Variants in NCKAP5 observed in about 807,000 individuals in gnomAD.
NCKAP5 encodes nck-associated protein 5.
NCKAP5 carries 92 observed loss-of-function variants against 167.0 expected under a neutral mutation model. That is an observed-to-expected ratio of 0.55 (90% CI 0.47 to 0.66). The LOEUF (loss-of-function observed/expected upper bound fraction) is 0.66. Among genes scored for constraint, NCKAP5 ranks in the 30% least tolerant of loss-of-function variants. The pLI is 0.00. For missense variants in NCKAP5, 2,378 were observed against 2,315.0 expected, an observed-to-expected ratio of 1.03 and a Z score of -0.56; for synonymous variants, 891 against 877.4, an observed-to-expected ratio of 1.02 and a Z score of -0.27.
At chr2:133,541,786 T>A (rs1245281771) in intron 2 of NCKAP5, among the ~76,000 whole-genome samples, 3 of 151,474 alleles carry the variant, frequency 2.0e-5, no homozygotes, top group South Asian at 2.1e-4. Context: ...TTTTTTTTTT[T>A]AAGTGTCAGA....
chr2:133,517,226 T>C (rs911920136), intron 3 of NCKAP5, among the ~76,000 whole-genome samples: 9 of 152,238 alleles, frequency 5.9e-5, no homozygotes, highest in African/African-American at 2.2e-4. Context: ...TGTAATTATA[T>C]ATAATGTTGA....
At chr2:133,375,675 T>C (rs1226392021) in intron 3 of NCKAP5, among the ~76,000 whole-genome samples, 1 of 152,204 alleles carries the variant, frequency 6.6e-6, no homozygotes, top group Non-Finnish European at 1.5e-5. Context: ...CTCCCACTTA[T>C]AAGTGAGAAC....
intron 7 of NCKAP5, among the ~76,000 whole-genome samples, chr2:132,990,074 G>A (rs961948137): frequency 1.5e-4 from 23 of 152,256 alleles, no homozygotes; most frequent in African/African-American, 5.3e-4. Flanking sequence ...GGGAACACAA[G>A]ATGCTCTGAG....
chr2:133,559,753 A>T (rs1397218840), intron 1 of NCKAP5, among the ~76,000 whole-genome samples: 1 of 152,216 alleles, frequency 6.6e-6, no homozygotes, highest in East Asian at 1.9e-4. Context: ...CATGGGTAAG[A>T]GCTGTAGTTA....
At chr2:133,393,941 C>CA (rs1574870367) in intron 3 of NCKAP5, among the ~76,000 whole-genome samples, 3 of 152,270 alleles carry the variant, frequency 2.0e-5, no homozygotes, top group East Asian at 3.9e-4. Flanking sequence ...GAAACCATGA[C>CA]AAAAAATAAT....
intron 6 of NCKAP5, among the ~76,000 whole-genome samples, chr2:133,026,959 A>C (rs931675361): frequency 1.3e-5 from 2 of 152,190 alleles, no homozygotes; most frequent in Non-Finnish European, 2.9e-5. Context: ...TATGTCACCC[A>C]GGATACCCAC....
chr2:132,700,928 GGC>G (rs200555639), intron 19 of NCKAP5, among the ~76,000 whole-genome samples: 5,899 of 96,642 alleles, frequency 0.061, 474 homozygotes, highest in African/African-American at 0.24. Flanking sequence ...CAATCCCCTG[GGC>G]GGGGGGGGGG....
intron 3 of NCKAP5, among the ~76,000 whole-genome samples, chr2:133,473,238 A>G (rs1465758212): frequency 6.6e-6 from 1 of 152,100 alleles, no homozygotes; most frequent in African/African-American, 2.4e-5. Flanking sequence ...AGGCTGAGGT[A>G]GGAGAATCGC....
intron 4 of NCKAP5, among the ~76,000 whole-genome samples, chr2:133,238,209 A>G (rs904773971): frequency 6.6e-6 from 1 of 152,174 alleles, no homozygotes; most frequent in African/African-American, 2.4e-5. Flanking sequence ...CCCTCTACTT[A>G]TAAAACAATA....
At chr2:133,122,630 C>T (rs2082284627) in intron 6 of NCKAP5, 1 of 152,096 alleles carries the variant, frequency 6.6e-6, no homozygotes, top group African/African-American at 2.4e-5. Flanking sequence ...TTTGGCTGTT[C>T]CCAACAGAAA....
chr2:132,698,079 TG>T (rs1338028897), intron 19 of NCKAP5, among the ~76,000 whole-genome samples: 15 of 152,200 alleles, frequency 9.9e-5, no homozygotes, highest in Middle Eastern at 3.2e-3. Flanking sequence ...AGTATGCTAA[TG>T]GGTTATGCAG....
chr2:132,766,818 C>T (rs746101217), intron 16 of NCKAP5, among the ~76,000 whole-genome samples: 1 of 152,232 alleles, frequency 6.6e-6, no homozygotes, highest in Non-Finnish European at 1.5e-5. Context: ...TATTTGCTGA[C>T]TTTCATTTGA....
chr2:133,257,290 A>T (rs995989105), intron 4 of NCKAP5, among the ~76,000 whole-genome samples: 2 of 152,234 alleles, frequency 1.3e-5, no homozygotes, highest in Non-Finnish European at 2.9e-5. Flanking sequence ...ATGAAATTGC[A>T]AACAACAAAA....
intron 3 of NCKAP5, among the ~76,000 whole-genome samples, chr2:133,425,170 GGGGA>G (rs1336731694): frequency 6.6e-6 from 1 of 152,218 alleles, no homozygotes; most frequent in Non-Finnish European, 1.5e-5. Flanking sequence ...TCCCTGGTTA[GGGGA>G]TCAAACCCAG....
chr2:132,881,554 C>CTTTTT (rs35545031), intron 8 of NCKAP5, among the ~76,000 whole-genome samples: 6 of 126,382 alleles, frequency 4.7e-5, no homozygotes, highest in Non-Finnish European at 8.0e-5. Context: ...CCTTACCTTT[C>CTTTTT]TTTTTTTTTT....
intron 6 of NCKAP5, among the ~76,000 whole-genome samples, chr2:133,110,024 C>A (rs894202542): frequency 6.6e-6 from 1 of 152,172 alleles, no homozygotes; most frequent in African/African-American, 2.4e-5. Flanking sequence ...AATCAAAGAG[C>A]AAAGCACATT....
chr2:133,494,629 A>G (rs1214379249), intron 3 of NCKAP5, among the ~76,000 whole-genome samples: 4 of 152,116 alleles, frequency 2.6e-5, no homozygotes, highest in Admixed American at 2.6e-4. Flanking sequence ...GACATGCCTC[A>G]TTATACCCTC....
the NCKAP5 span, among the ~76,000 whole-genome samples, chr2:133,590,343 G>A: frequency 1.9e-4 from 4 of 21,024 alleles, no homozygotes; most frequent in Non-Finnish European, 2.2e-4. Flanking sequence ...CGGCCAACAC[G>A]GTGAAACCCC....
At position 133,201,385 on chromosome 2, in the gene NCKAP5, A is replaced by C. The variant is rs1240331074; in HGVS notation, c.207+12331T>G. Among the ~76,000 whole-genome samples the C allele has an allele frequency of 2.6e-5, 4 of 152,204 alleles. No individual in the cohort carries two copies. In the East Asian group the frequency reaches 7.7e-4, roughly 29 times the overall value. ...TGAAACCTTAGATAAAAGAGGACTG[A>C]CTACTGTACCAAGACACACAAAATA... On this transcript the variant is annotated intron_variant, in intron 5 of 19. Coordinates refer to ENST00000409261, the MANE Select transcript of NCKAP5 (RefSeq NM_207363.3).
Sources: allele counts gnomAD v4.1 joint callset (sites outside exome capture counted in the v4.1 genomes callset), GRCh38; gene constraint gnomAD v4.1.1; transcripts MANE v1.5; gene names NCBI Gene and HGNC (gene_info 2026-07-23, HGNC 2026-07-21).